Variants in EPHA3 observed in about 807,000 individuals in gnomAD.
EPHA3 encodes EPH receptor A3.
EPHA3 carries 42 observed loss-of-function variants against 107.1 expected under a neutral mutation model. The ratio of observed to expected loss-of-function variants is 0.39; its 90% confidence interval spans 0.31 to 0.51. EPHA3 has a LOEUF of 0.51. Among genes scored for constraint, EPHA3 ranks in the 20% least tolerant of loss-of-function variants. EPHA3 has a pLI of 0.78. For synonymous variants in EPHA3, 461 were observed against 424.8 expected (o/e 1.09, Z -1.05); for missense variants, 1,183 against 1,211.2 (o/e 0.98, Z 0.35).
At chr3:89,293,657 G>T (rs1706272804) in intron 3 of EPHA3, among the ~76,000 whole-genome samples, 1 of 152,146 alleles carries the variant, frequency 6.6e-6, no homozygotes, top group Non-Finnish European at 1.5e-5. Context: ...TGATTTAAAA[G>T]AGTGTGGCAC....
intron 3 of EPHA3, among the ~76,000 whole-genome samples, chr3:89,300,288 C>T (rs1340139544): frequency 5.3e-5 from 8 of 151,852 alleles, no homozygotes; most frequent in Admixed American, 5.3e-4. Flanking sequence ...GTTAGTGTCA[C>T]TATAAACTAC....
rs528754085 is a variant in EPHA3, at chr3:89,164,356, G to A, written c.153+37083G>A. Among the ~76,000 whole-genome samples, 4 of 152,274 alleles carry A rather than the reference G, an allele frequency of 2.6e-5. No homozygotes were observed. In the East Asian group the frequency reaches 7.7e-4, roughly 29 times the overall value. On this transcript the variant is annotated intron_variant, in intron 2 of 16. Transcript: ENST00000336596. Reference sequence around the variant, plus strand: ...TTCAAAGCCATCCTGGGCCGCATGCGGCCCACTGGCTGTGGGTTGAACAAG... The same window carrying A: ...TTCAAAGCCATCCTGGGCCGCATGCAGCCCACTGGCTGTGGGTTGAACAAG...
chr3:89,458,011 A>G (rs1484929799), intron 15 of EPHA3, among the ~76,000 whole-genome samples: 1 of 152,162 alleles, frequency 6.6e-6, no homozygotes, highest in Non-Finnish European at 1.5e-5. Context: ...TGGTAGGAAG[A>G]ACAGAAGGAA....
intron 2 of EPHA3, among the ~76,000 whole-genome samples, chr3:89,190,775 C>T (rs1009551486): frequency 6.6e-6 from 1 of 152,180 alleles, no homozygotes; most frequent in Non-Finnish European, 1.5e-5. Flanking sequence ...GCCTCTCTTT[C>T]TGGCTTATAA....
chr3:89,175,631 G>A (rs1244417500), intron 2 of EPHA3, among the ~76,000 whole-genome samples: 6 of 152,074 alleles, frequency 3.9e-5, no homozygotes, highest in Admixed American at 6.6e-5. Flanking sequence ...GATTATAGGC[G>A]TTGAAGTTCA....
intron 13 of EPHA3, among the ~76,000 whole-genome samples, chr3:89,433,697 A>G (rs1709613705): frequency 6.6e-6 from 1 of 152,180 alleles, no homozygotes; most frequent in Non-Finnish European, 1.5e-5. Flanking sequence ...ATTCAAATGG[A>G]TAAGAGCATG....
At chr3:89,194,117 C>T (rs1435969367) in intron 2 of EPHA3, among the ~76,000 whole-genome samples, 6 of 151,652 alleles carry the variant, frequency 4.0e-5, no homozygotes, top group East Asian at 1.9e-4. Flanking sequence ...TAGTCCATTC[C>T]CAAATATTCT....
At chr3:89,423,287 A>ACTTTCACTAAAAGC (rs1328398099) in intron 11 of EPHA3, among the ~76,000 whole-genome samples, 47 of 151,556 alleles carry the variant, frequency 3.1e-4, no homozygotes, top group African/African-American at 1.1e-3. Context: ...CTGTAGTGGC[A>ACTTTCACTAAAAGC]TGAGTATCCA....
intron 3 of EPHA3, among the ~76,000 whole-genome samples, chr3:89,323,015 T>C (rs532348355): frequency 6.6e-6 from 1 of 152,106 alleles, no homozygotes; most frequent in African/African-American, 2.4e-5. Context: ...TTGTGAATTA[T>C]ATTTAAAAAG....
intron 1 of EPHA3, among the ~76,000 whole-genome samples, chr3:89,126,045 G>T (rs1247182807): frequency 6.6e-6 from 1 of 151,598 alleles, no homozygotes; most frequent in African/African-American, 2.4e-5. Flanking sequence ...AAAGGATGGT[G>T]CTTTTCATGT....
At chr3:89,467,020 AC>A (rs1331986254) in intron 15 of EPHA3, among the ~76,000 whole-genome samples, 1 of 152,158 alleles carries the variant, frequency 6.6e-6, no homozygotes, top group Non-Finnish European at 1.5e-5. Context: ...TCATTTATGT[AC>A]TAGGTTCCTG....
chr3:89,295,417 A>T (rs937893442), intron 3 of EPHA3, among the ~76,000 whole-genome samples: 5 of 152,004 alleles, frequency 3.3e-5, no homozygotes, highest in African/African-American at 1.2e-4. Flanking sequence ...TCAAAAGACA[A>T]TAAGGTTCAC....
chr3:89,232,878 C>A (rs372954681), intron 3 of EPHA3, among the ~76,000 whole-genome samples: 1 of 152,120 alleles, frequency 6.6e-6, no homozygotes, highest in Non-Finnish European at 1.5e-5. Context: ...AGATAACAGG[C>A]AATGAACTTT....
At position 89,481,237 on chromosome 3, in the gene EPHA3, G is replaced by A. The variant is rs1710616026; in HGVS notation, c.*1735G>A. The A allele has an allele frequency of 4.3e-6, 1 of 232,130 alleles. No individual in the cohort carries two copies. The highest frequency in any genetic ancestry group is 2.2e-5 in the African/African-American group (1 of 45,300). 14.4% of individuals were successfully genotyped at this position (232,130 alleles called of 1,614,324 possible). On this transcript the variant is annotated 3_prime_UTR_variant, in exon 17 of 17. Coordinates refer to ENST00000336596, the MANE Select transcript of EPHA3 (RefSeq NM_005233.6). ...CAAGTGCTCATCTGTTGTAGATTTA[G>A]TGTAATAAGACTTAGATTGTGCTCC...
Position 89,341,738 on chromosome 3 carries a change from G to A in EPHA3, c.971-17G>A, listed in dbSNP as rs374304049. On this transcript the variant is annotated splice_polypyrimidine_tract_variant and intron_variant, in intron 4 of 16. Coordinates refer to ENST00000336596, the MANE Select transcript of EPHA3 (RefSeq NM_005233.6). ...ACAGAAGTGAGGCTCATTAATCTTT[G>A]TTGAACTACTTTGCAGGACCTCCAT... 307 of 1,580,408 alleles carry A rather than the reference G, an allele frequency of 1.9e-4. No individual in the cohort carries two copies. The African/African-American group carries it at 3.7e-3, about 19-fold the overall frequency.
At position 89,153,163 on chromosome 3, in the gene EPHA3, T is replaced by A. The variant is rs757177707; in HGVS notation, c.153+25890T>A. Among the ~76,000 whole-genome samples the A allele has an allele frequency of 8.5e-5, 13 of 152,064 alleles. No individual in the cohort carries two copies. In the South Asian group the frequency reaches 1.4e-3, roughly 17 times the overall value. ...TGAAGAGTTCCATTGTGAATTGACA[T>A]GGGTAAAGGAAAAGGCACTTAAATC... is the stretch of plus-strand genomic sequence containing the variant. On this transcript the variant is annotated intron_variant, in intron 2 of 16. Transcript: ENST00000336596.
At chr3:89,238,117 A>G (rs1418421825) in intron 3 of EPHA3, among the ~76,000 whole-genome samples, 4 of 152,238 alleles carry the variant, frequency 2.6e-5, no homozygotes, top group Non-Finnish European at 5.9e-5. Context: ...GAGAACAGCA[A>G]TGATAACATG....
chr3:89,435,908 G>A (rs955294519), intron 13 of EPHA3, among the ~76,000 whole-genome samples: 1 of 150,536 alleles, frequency 6.6e-6, no homozygotes, highest in Non-Finnish European at 1.5e-5. Flanking sequence ...AACGGAGATT[G>A]TGCCATTGCA....
chr3:89,456,603 C>T (rs1351470340), intron 15 of EPHA3, among the ~76,000 whole-genome samples: 6 of 152,170 alleles, frequency 3.9e-5, no homozygotes, highest in Admixed American at 1.3e-4. Context: ...AAGAATCTTC[C>T]GCTTAGAGTG....
Sources: allele counts gnomAD v4.1 joint callset (sites outside exome capture counted in the v4.1 genomes callset), GRCh38; gene constraint gnomAD v4.1.1; transcripts MANE v1.5; gene names NCBI Gene and HGNC (gene_info 2026-07-23, HGNC 2026-07-21).